METTL21A: variants seen among roughly 807,000 people sequenced by gnomAD.
The protein encoded by METTL21A is methyltransferase 21A, HSPA lysine.
A neutral mutation model predicts 20.9 loss-of-function variants in METTL21A; 22 were observed. The observed-to-expected ratio is 1.05, with a 90% CI of 0.75 to 1.50. The LOEUF (loss-of-function observed/expected upper bound fraction) is 1.50, where lower values mean the gene tolerates loss of function less well. Ranked by LOEUF, METTL21A falls within the 40% of genes most tolerant of loss-of-function variation. METTL21A has a pLI of 0.00. For missense variants in METTL21A, 271 were observed against 266.8 expected (o/e 1.02, Z -0.11); for synonymous variants, 93 against 102.0 (o/e 0.91, Z 0.53).
intron 3 of METTL21A, among the ~76,000 whole-genome samples, chr2:207,591,870 T>C (rs1191277229): frequency 6.6e-6 from 1 of 152,314 alleles, no homozygotes; most frequent in African/African-American, 2.4e-5. Context: ...TTTAAATGGT[T>C]TAGATCAGGG....
downstream of METTL21A, among the ~76,000 whole-genome samples, chr2:207,607,912 C>T (rs2088385915): frequency 1.3e-5 from 2 of 151,752 alleles, no homozygotes; most frequent in Non-Finnish European, 2.9e-5. Flanking sequence ...AAAATAAGTC[C>T]CAACTTCACT....
At chr2:207,606,936 C>G (rs1041672027), downstream of METTL21A, among the ~76,000 whole-genome samples, 1 of 152,120 alleles carries the variant, frequency 6.6e-6, no homozygotes, top group East Asian at 1.9e-4. Context: ...TGCCTTGATA[C>G]TTTAATATCC....
intron 3 of METTL21A, among the ~76,000 whole-genome samples, chr2:207,617,258 C>A (rs560188999): frequency 4.5e-4 from 68 of 152,306 alleles, no homozygotes; most frequent in African/African-American, 1.5e-3. Flanking sequence ...GCTCAAAAGT[C>A]TCATGTGGGA....
intron 3 of METTL21A, among the ~76,000 whole-genome samples, chr2:207,584,519 T>C (rs1407065495): frequency 6.6e-6 from 1 of 152,148 alleles, no homozygotes; most frequent in East Asian, 1.9e-4. Flanking sequence ...TTCTCGTGCC[T>C]CAGCCTCCCT....
rs143281578 is a variant in METTL21A at position 207,613,393 on chromosome 2, A to C, written c.310T>G (p.Ser104Ala). Residue 104 changes from serine (S) to alanine (A), a missense_variant, in exon 4 of 4, where the codon TCA becomes GCA. Physicochemically the swap from Ser to Ala is moderately conservative, Grantham distance 99. Coordinates refer to ENST00000406927, the Ensembl canonical transcript of METTL21A. Reference sequence around the variant, plus strand: ...GGAGGTAAGTTGGCTTGAACGTTTGATTTAAGAAATTCTAATGCTACTTTT... The same window carrying C: ...GGAGGTAAGTTGGCTTGAACGTTTGCTTTAAGAAATTCTAATGCTACTTTT... 14 of 1,607,212 alleles carry C rather than the reference A, an allele frequency of 8.7e-6. 1 individual carries two copies. The highest frequency in any genetic ancestry group is 5.2e-5 in the Admixed American group (3 of 57,864).
chr2:207,594,205 T>A (rs976693505), intron 3 of METTL21A, among the ~76,000 whole-genome samples: 13 of 152,232 alleles, frequency 8.5e-5, no homozygotes, highest in African/African-American at 1.2e-4. Flanking sequence ...TAGATTTTTT[T>A]AAATAATTTC....
downstream of METTL21A, chr2:207,580,729 A>G (rs7603975): frequency 4.6e-4 from 104 of 224,198 alleles, no homozygotes; most frequent in African/African-American, 2.2e-3. Flanking sequence ...TTGTGTTGCT[A>G]CAGTAACAAC....
chr2:207,585,595 A>G (rs1438222976), intron 3 of METTL21A, among the ~76,000 whole-genome samples: 4 of 152,248 alleles, frequency 2.6e-5, no homozygotes, highest in South Asian at 2.1e-4. Context: ...CAGGTAATCA[A>G]TAAAATGCCT....
intron 3 of METTL21A, chr2:207,597,578 T>G (rs1355872014): frequency 4.8e-6 from 1 of 209,454 alleles, no homozygotes; most frequent in Non-Finnish European, 9.7e-6. Context: ...AGACATACCC[T>G]CTAAAAAAGA....
chr2:207,613,183 G>A lies in METTL21A; in HGVS notation c.520C>T (p.Arg174Ter), dbSNP rs192886645. 1.0e-4 allele frequency: 168 copies of A among 1,613,934 alleles called. No homozygotes were observed. In the East Asian group the frequency reaches 2.9e-3, roughly 28 times the overall value. Reference sequence around the variant, plus strand: ...TTGTTATCCCGTTCATAGCGAATTCGGCATGCTAAAAGAATCACAGAGTGA... The same window carrying A: ...TTGTTATCCCGTTCATAGCGAATTCAGCATGCTAAAAGAATCACAGAGTGA... The change falls in exon 4 of 4, where the codon CGA becomes TGA. Residue 174 changes from arginine to a stop codon, truncating the protein, a stop_gained. Transcript: ENST00000406927. LOFTEE classifies it high-confidence loss of function.
chr2:207,581,661 G>A (rs745705222), downstream of METTL21A: 149 of 461,496 alleles, frequency 3.2e-4, 1 homozygote, highest in Non-Finnish European at 4.8e-4. Context: ...ACAGAGTTCC[G>A]GATACCCTTC....
chr2:207,586,808 C>T (rs2083924319), intron 3 of METTL21A, among the ~76,000 whole-genome samples: 1 of 152,160 alleles, frequency 6.6e-6, no homozygotes, highest in Non-Finnish European at 1.5e-5. Flanking sequence ...AAAAGCTCAA[C>T]ATTACTAATT....
chr2:207,591,542 C>T (rs534360343), intron 3 of METTL21A, among the ~76,000 whole-genome samples: 4 of 152,278 alleles, frequency 2.6e-5, no homozygotes, highest in African/African-American at 7.2e-5. Flanking sequence ...AAGTGATTCT[C>T]GTGCCTCAGC....
chr2:207,595,778 A>T (rs1190745540), intron 3 of METTL21A, among the ~76,000 whole-genome samples: 1 of 152,046 alleles, frequency 6.6e-6, no homozygotes, highest in African/African-American at 2.4e-5. Context: ...TATATTGCCC[A>T]GGCTGTTCTT....
chr2:207,581,245 C>G, downstream of METTL21A: 1 of 202,216 alleles, frequency 4.9e-6, no homozygotes, highest in East Asian at 7.7e-5. Flanking sequence ...TATAAATAGG[C>G]AGATTCTTAG....
At chr2:207,623,432 A>G (rs2090736147) in intron 2 of METTL21A, among the ~76,000 whole-genome samples, 1 of 152,204 alleles carries the variant, frequency 6.6e-6, no homozygotes, top group Non-Finnish European at 1.5e-5. Context: ...AAGTCAGAAC[A>G]GGGCAGGGAG....
At chr2:207,599,238 T>A (rs901674311) in intron 3 of METTL21A, 3 of 201,250 alleles carry the variant, frequency 1.5e-5, no homozygotes, top group Admixed American at 6.0e-5. Context: ...ATAAAAATTG[T>A]GTAACCGCAT....
exon 2 of METTL21A, chr2:207,624,308 G>A (rs1019234582): frequency 1.9e-5 from 31 of 1,613,876 alleles, no homozygotes; most frequent in Non-Finnish European, 2.6e-5. Flanking sequence ...AAAGGAAAAA[G>A]TTGCAAGAGG....
intron 3 of METTL21A, among the ~76,000 whole-genome samples, chr2:207,590,278 C>G (rs1043109622): frequency 6.6e-6 from 1 of 151,592 alleles, no homozygotes; most frequent in Non-Finnish European, 1.5e-5. Context: ...GATGTCCCCC[C>G]GCTTCATTCC....
Sources: gnomAD v4.1 joint callset for allele counts (sites outside exome capture counted in the v4.1 genomes callset) on GRCh38, gnomAD v4.1.1 for gene constraint, MANE v1.5 for transcripts, NCBI Gene and HGNC (gene_info 2026-07-23, HGNC 2026-07-21) for gene names.